The following PALLD variants were observed in gnomAD, a reference collection of about 807,000 sequenced individuals.
The protein encoded by PALLD is palladin, cytoskeletal associated protein, also known as palladin.
In PALLD, 61 loss-of-function variants were observed where a neutral mutation model predicts 123.5. The observed-to-expected ratio is 0.49, with a 90% CI of 0.40 to 0.61. PALLD has a LOEUF of 0.61. Among genes scored for constraint, PALLD ranks in the 20% least tolerant of loss-of-function variants. PALLD has a pLI of 0.00. For missense variants in PALLD, 1,273 were observed against 1,377.0 expected, an observed-to-expected ratio of 0.92 and a Z score of 1.20; for synonymous variants, 465 against 496.4, an observed-to-expected ratio of 0.94 and a Z score of 0.84.
intron 10 of PALLD, among the ~76,000 whole-genome samples, chr4:168,766,586 G>A (rs986036258): frequency 2.6e-5 from 4 of 152,208 alleles, no homozygotes; most frequent in Non-Finnish European, 5.9e-5. Context: ...TCCTGAGAAG[G>A]CCAAGCCATG....
At chr4:168,895,052 A>G (rs1408095913) in intron 12 of PALLD, among the ~76,000 whole-genome samples, 1 of 152,186 alleles carries the variant, frequency 6.6e-6, no homozygotes, top group Non-Finnish European at 1.5e-5. Context: ...ACCTTGAACA[A>G]CACGGGAGTT....
chr4:168,672,696 C>G (rs893537916), intron 3 of PALLD, among the ~76,000 whole-genome samples: 3 of 152,072 alleles, frequency 2.0e-5, no homozygotes, highest in African/African-American at 7.2e-5. Context: ...CTGACCTCGT[C>G]ATCCACCCGC....
chr4:168,913,190 G>C (rs1759376052), intron 15 of PALLD, among the ~76,000 whole-genome samples: 1 of 148,696 alleles, frequency 6.7e-6, no homozygotes, highest in Non-Finnish European at 1.5e-5. Flanking sequence ...AGGCTGGAGT[G>C]CAGTGGCACC....
At position 168,877,987 on chromosome 4, in the gene PALLD, C is replaced by A. The variant is rs1200653889; in HGVS notation, c.1965-12935C>A. 9 of 1,500,734 alleles carry A rather than the reference C, an allele frequency of 6.0e-6. No individual in the cohort carries two copies. The highest frequency in any genetic ancestry group is 8.0e-6 in the Non-Finnish European group (9 of 1,130,588). The allele number at this position is 1,500,734 out of a possible 1,614,324, so 93.0% of individuals were successfully genotyped here. The stretch of plus-strand genomic sequence containing the variant: ...AGCAGTTCATCGCCGCGCAGAACCT[C>A]GGGCCCGCGTCGGGCCACGGCACGC... On this transcript the variant is annotated intron_variant, in intron 10 of 21. Coordinates refer to ENST00000505667, the MANE Select transcript of PALLD (RefSeq NM_001166108.2).
intron 10 of PALLD, among the ~76,000 whole-genome samples, chr4:168,719,314 A>G (rs1168322594): frequency 7.9e-6 from 1 of 127,132 alleles, no homozygotes; most frequent in Non-Finnish European, 1.6e-5. Flanking sequence ...CTGGAGTGCA[A>G]TGACACAATC....
intron 10 of PALLD, among the ~76,000 whole-genome samples, chr4:168,783,762 G>T (rs150293160): frequency 6.6e-6 from 1 of 152,166 alleles, no homozygotes. Context: ...GGGATTGGTT[G>T]ATAAGATATG....
intron 1 of PALLD, among the ~76,000 whole-genome samples, chr4:168,498,042 A>C (rs543263704): frequency 6.6e-6 from 1 of 152,364 alleles, no homozygotes; most frequent in South Asian, 2.1e-4. Flanking sequence ...TATATGCAGA[A>C]ATTAAATCCT....
chr4:168,621,230 A>G (rs543866689), intron 2 of PALLD, among the ~76,000 whole-genome samples: 1 of 152,360 alleles, frequency 6.6e-6, no homozygotes, highest in South Asian at 2.1e-4. Flanking sequence ...GGAAGGCTCA[A>G]TAAACAATGA....
intron 1 of PALLD, among the ~76,000 whole-genome samples, chr4:168,503,167 T>C (rs1383356381): frequency 6.6e-6 from 1 of 152,210 alleles, no homozygotes; most frequent in Admixed American, 6.5e-5. Flanking sequence ...TCCATTGGGC[T>C]CACAGTTGAA....
At chr4:168,586,737 A>G (rs547855890) in intron 2 of PALLD, among the ~76,000 whole-genome samples, 144 of 152,282 alleles carry the variant, frequency 9.5e-4, no homozygotes, top group Middle Eastern at 3.4e-3. Context: ...CTGGACATCC[A>G]TGGAACAAGC....
At chr4:168,887,843 C>G (rs1243651343) in intron 10 of PALLD, among the ~76,000 whole-genome samples, 2 of 151,798 alleles carry the variant, frequency 1.3e-5, no homozygotes, top group Non-Finnish European at 2.9e-5. Flanking sequence ...AGAGAGAAAT[C>G]AGAAGTAGAG....
chr4:168,741,491 A>G (rs1044640035), intron 10 of PALLD, among the ~76,000 whole-genome samples: 1 of 152,068 alleles, frequency 6.6e-6, no homozygotes, highest in Non-Finnish European at 1.5e-5. Flanking sequence ...CAGCCTGAGC[A>G]GCATAGCAAG....
intron 10 of PALLD, among the ~76,000 whole-genome samples, chr4:168,833,618 G>T (rs1405551291): frequency 6.6e-6 from 1 of 152,044 alleles, no homozygotes; most frequent in Non-Finnish European, 1.5e-5. Context: ...TTTGTGTTAT[G>T]CAGGCTCCTG....
chr4:168,739,314 C>T (rs763964463), intron 10 of PALLD, among the ~76,000 whole-genome samples: 1 of 151,978 alleles, frequency 6.6e-6, no homozygotes, highest in South Asian at 2.1e-4. Context: ...TATGGTAGTT[C>T]GGTTTTTAGT....
intron 10 of PALLD, among the ~76,000 whole-genome samples, chr4:168,739,861 C>G (rs1339994666): frequency 6.6e-6 from 1 of 152,180 alleles, no homozygotes; most frequent in Admixed American, 6.5e-5. Flanking sequence ...TTCAGGTTTA[C>G]TTTATTGCTG....
chr4:168,656,902 G>C (rs1778636623), intron 2 of PALLD, among the ~76,000 whole-genome samples: 1 of 152,218 alleles, frequency 6.6e-6, no homozygotes, highest in Non-Finnish European at 1.5e-5. Context: ...TTTCAACTCA[G>C]GGGCCAACAC....
Position 168,629,716 on chromosome 4 carries a change from G to GT in PALLD, c.909-38473dup, listed in dbSNP as rs745697648. On this transcript the variant is annotated intron_variant, in intron 2 of 21. Coordinates refer to ENST00000505667, the MANE Select transcript of PALLD (RefSeq NM_001166108.2). ...CTGACCCCAAAACGCCACAAACCGC[G>GT]TAACGTTGGGATAGTTCTCATTTGG... Among the ~76,000 whole-genome samples the GT allele has an allele frequency of 1.4e-4, 21 of 152,098 alleles. No homozygotes were observed. In the East Asian group the frequency reaches 3.7e-3, roughly 27 times the overall value.
intron 10 of PALLD, among the ~76,000 whole-genome samples, chr4:168,767,220 G>A (rs779562644): frequency 5.9e-5 from 9 of 152,226 alleles, no homozygotes; most frequent in Middle Eastern, 3.4e-3. Flanking sequence ...TTGCCTTTGC[G>A]TTAGTTATTT....
intron 2 of PALLD, among the ~76,000 whole-genome samples, chr4:168,512,817 G>A (rs1439862341): frequency 6.6e-6 from 1 of 152,134 alleles, no homozygotes; most frequent in Non-Finnish European, 1.5e-5. Flanking sequence ...CTGCTATCTA[G>A]AAGTGAAAGG....
Sources: gnomAD v4.1 joint callset for allele counts (sites outside exome capture counted in the v4.1 genomes callset) on GRCh38, gnomAD v4.1.1 for gene constraint, MANE v1.5 for transcripts, NCBI Gene and HGNC (gene_info 2026-07-23, HGNC 2026-07-21) for gene names.